MYCBP2: variants seen among roughly 807,000 people sequenced by gnomAD.
MYCBP2 encodes MYC binding protein 2.
Under a neutral mutation model 525.3 loss-of-function variants are expected in MYCBP2, and 120 were observed. The observed-to-expected ratio is 0.23, with a 90% CI of 0.20 to 0.27. The LOEUF (loss-of-function observed/expected upper bound fraction) is 0.27, where lower values mean the gene tolerates loss of function less well. Among genes scored for constraint, MYCBP2 ranks in the 10% least tolerant of loss-of-function variants. The pLI, the probability that MYCBP2 is intolerant of heterozygous loss-of-function variation, is 1.00. For missense variants in MYCBP2, 4,149 were observed against 5,657.1 expected (o/e 0.73, Z 8.55); for synonymous variants, 1,894 against 1,955.8 (o/e 0.97, Z 0.83).
intron 37 of MYCBP2, among the ~76,000 whole-genome samples, chr13:77,172,233 G>A (rs549066980): frequency 1.3e-5 from 2 of 151,574 alleles, no homozygotes; most frequent in Admixed American, 1.3e-4. Context: ...AGACCCACGC[G>A]AAGAGCTGAG....
chr13:77,155,393 G>A (rs372869743), intron 46 of MYCBP2, among the ~76,000 whole-genome samples: 94 of 152,242 alleles, frequency 6.2e-4, no homozygotes, highest in South Asian at 4.2e-3. Context: ...AACTTTGAAG[G>A]AGGAAAGGGC....
intron 46 of MYCBP2, among the ~76,000 whole-genome samples, chr13:77,154,580 GA>G (rs1156835232): frequency 6.6e-6 from 1 of 151,990 alleles, no homozygotes; most frequent in Non-Finnish European, 1.5e-5. Flanking sequence ...TACAACTAAA[GA>G]AATATCAGAA....
At chr13:77,221,555 C>G (rs754428241) in intron 20 of MYCBP2, among the ~76,000 whole-genome samples, 12 of 152,124 alleles carry the variant, frequency 7.9e-5, no homozygotes, top group Non-Finnish European at 1.8e-4. Context: ...TCTGGCAAGA[C>G]CATGAAATAC....
intron 63 of MYCBP2, among the ~76,000 whole-genome samples, chr13:77,082,510 G>T (rs926098427): frequency 6.6e-6 from 1 of 152,128 alleles, no homozygotes; most frequent in African/African-American, 2.4e-5. Context: ...ATTTATAAGT[G>T]TGAGTCCAGT....
chr13:77,211,364 C>T, intron 22 of MYCBP2, 44 bp from the exon 23 acceptor site: 1 of 1,021,578 alleles, frequency 9.8e-7, no homozygotes, highest in Non-Finnish European at 1.3e-6. Flanking sequence ...ATATATTACC[C>T]TTTTAAATTC....
In MYCBP2 at chr13:77,068,735, G is replaced by C; in HGVS notation, c.12001C>G (p.Gln4001Glu). Residue 4001 changes from glutamine to glutamate, a missense_variant, in exon 70 of 83, where the codon CAG becomes GAG. Physicochemically the swap from Gln to Glu is conservative, Grantham distance 29. Transcript: ENST00000544440. ...GAGGAGGCATCTTCATCATTTGGCTGAGAATTGGCATTTTCTTTGCTTGAT... is the reference window on the plus strand; with the variant it reads ...GAGGAGGCATCTTCATCATTTGGCTCAGAATTGGCATTTTCTTTGCTTGAT... ...AISSKENANS[Q>E]PNDEDASSDA... 1 of 1,614,192 alleles carries C rather than the reference G, an allele frequency of 6.2e-7. No homozygotes were observed. Among genetic ancestry groups the C allele is most frequent in the Non-Finnish European group, 8.5e-7 (1 of 1,180,018 alleles).
chr13:77,231,830 G>T (rs922847483), intron 18 of MYCBP2, among the ~76,000 whole-genome samples: 2 of 152,170 alleles, frequency 1.3e-5, no homozygotes. Context: ...AATCATAAAA[G>T]ATCAGACATT....
At chr13:77,293,155 T>G (rs1028003218) in intron 2 of MYCBP2, among the ~76,000 whole-genome samples, 1 of 152,086 alleles carries the variant, frequency 6.6e-6, no homozygotes, top group African/African-American at 2.4e-5. Flanking sequence ...ATTAGGAAGT[T>G]GAGGAACTTT....
rs1314382530 is a variant in MYCBP2, at chr13:77,273,513, T to C, written c.904A>G (p.Ile302Val). ...TGRTLQAISA[I>V]LTNNGSHACQ... The stretch of plus-strand genomic sequence containing the variant: ...GCATGGCTTCCATTGTTGGTGAGGA[T>C]AGCAGAGATGGCCTGAAGTGTCCTT... Residue 302 changes from isoleucine to valine, a missense_variant, in exon 5 of 83, where the codon ATC becomes GTC. Coordinates refer to ENST00000544440, the MANE Select transcript of MYCBP2 (RefSeq NM_015057.5). 2 of 1,610,148 alleles carry C rather than the reference T, an allele frequency of 1.2e-6. No homozygotes were observed. Among genetic ancestry groups the C allele is most frequent in the Non-Finnish European group, 1.7e-6 (2 of 1,178,742 alleles).
At chr13:77,257,191 G>C (rs900556656) in intron 14 of MYCBP2, among the ~76,000 whole-genome samples, 1 of 152,044 alleles carries the variant, frequency 6.6e-6, no homozygotes, top group Admixed American at 6.6e-5. Context: ...TAAAACAATT[G>C]AACTCATGAA....
chr13:77,315,688 A>C (rs999770421), intron 1 of MYCBP2, among the ~76,000 whole-genome samples: 8 of 152,170 alleles, frequency 5.3e-5, no homozygotes, highest in African/African-American at 1.9e-4. Flanking sequence ...TGAGGTCAGC[A>C]GTTCAAGACC....
intron 26 of MYCBP2, 92 bp downstream of exon 26, chr13:77,205,164 G>T (rs1289274833): frequency 8.4e-7 from 1 of 1,195,862 alleles, no homozygotes; most frequent in Non-Finnish European, 1.1e-6. Context: ...AGTTAAAAAG[G>T]AAAAAAATTA....
At chr13:77,128,990 C>T (rs2154169704) in intron 52 of MYCBP2, among the ~76,000 whole-genome samples, 1 of 152,128 alleles carries the variant, frequency 6.6e-6, no homozygotes, top group African/African-American at 2.4e-5. Context: ...ACTAATAATA[C>T]ATTCTTTTTG....
intron 2 of MYCBP2, among the ~76,000 whole-genome samples, chr13:77,292,748 C>G (rs758660840): frequency 6.6e-6 from 1 of 151,908 alleles, no homozygotes; most frequent in Non-Finnish European, 1.5e-5. Flanking sequence ...CACCTGAGGT[C>G]AGGAGTTTGA....
intron 80 of MYCBP2, among the ~76,000 whole-genome samples, chr13:77,052,157 C>CTCCTTCCCT (rs1421319063): frequency 6.6e-6 from 1 of 151,826 alleles, no homozygotes; most frequent in Admixed American, 6.6e-5. Context: ...CCTTCCTTCC[C>CTCCTTCCCT]TCCTTCCCTT....
intron 17 of MYCBP2, among the ~76,000 whole-genome samples, chr13:77,234,498 T>C (rs779998776): frequency 1.3e-5 from 2 of 152,026 alleles, no homozygotes; most frequent in East Asian, 1.9e-4. Context: ...ATTTCAATTA[T>C]GTTTCTAGAT....
At chr13:77,068,935 T>C (rs199679583) in intron 69 of MYCBP2, 104 bp from the exon 70 acceptor site, 131 of 1,094,514 alleles carry the variant, frequency 1.2e-4, no homozygotes, top group East Asian at 1.1e-3. Flanking sequence ...TGTAAATTGA[T>C]ACTCAATTTA....
At chr13:77,201,742 C>T (rs1309114460) in intron 26 of MYCBP2, among the ~76,000 whole-genome samples, 3 of 152,056 alleles carry the variant, frequency 2.0e-5, no homozygotes, top group Non-Finnish European at 4.4e-5. Context: ...AAGAATCTCA[C>T]TCAAAACCAC....
chr13:77,313,939 A>T (rs2080589865), intron 1 of MYCBP2, among the ~76,000 whole-genome samples: 1 of 151,206 alleles, frequency 6.6e-6, no homozygotes, highest in Non-Finnish European at 1.5e-5. Flanking sequence ...AGAGAAATGA[A>T]AAAAAAAAAC....
Sources: allele counts gnomAD v4.1 joint callset (sites outside exome capture counted in the v4.1 genomes callset), GRCh38; gene constraint gnomAD v4.1.1; transcripts MANE v1.5; gene names NCBI Gene and HGNC (gene_info 2026-07-23, HGNC 2026-07-21).